Variants in PDIA6 observed in about 807,000 individuals in gnomAD.
PDIA6 encodes the protein protein disulfide isomerase family A member 6.
PDIA6 carries 29 observed loss-of-function variants against 58.4 expected under a neutral mutation model. That is an observed-to-expected ratio of 0.50 (90% confidence interval 0.37 to 0.68). The LOEUF is 0.68. PDIA6 is among the 30% of genes least tolerant of loss of function. The pLI is 0.00. For synonymous variants in PDIA6, 192 were observed against 202.6 expected, an observed-to-expected ratio of 0.95 and a Z score of 0.44; for missense variants, 480 against 551.0, an observed-to-expected ratio of 0.87 and a Z score of 1.29.
At chr2:10,796,147 G>A (rs1234804752) in intron 4 of PDIA6, among the ~76,000 whole-genome samples, 57 of 149,470 alleles carry the variant, frequency 3.8e-4, no homozygotes, top group Admixed American at 2.7e-4. Flanking sequence ...TCCGCCTTCC[G>A]GGTTCACGCC....
upstream of PDIA6, among the ~76,000 whole-genome samples, chr2:10,834,962 T>C (rs1278345898): frequency 6.6e-6 from 1 of 151,970 alleles, no homozygotes; most frequent in African/African-American, 2.4e-5. Context: ...GAGACAGGGT[T>C]TCACCATGTT....
At chr2:10,787,244 C>T (rs1457773957) in intron 11 of PDIA6, 37 bp downstream of exon 11, 6 of 1,587,138 alleles carry the variant, frequency 3.8e-6, no homozygotes, top group Non-Finnish European at 5.2e-6. Flanking sequence ...ACCAAACAAA[C>T]AGACAAAACA....
upstream of PDIA6, among the ~76,000 whole-genome samples, chr2:10,817,092 G>A (rs1478571157): frequency 6.6e-6 from 1 of 152,064 alleles, no homozygotes; most frequent in Admixed American, 6.6e-5. Context: ...ACACACACCC[G>A]TGGCTGCTCC....
At chr2:10,811,888 C>T (rs1041713771) in intron 1 of PDIA6, among the ~76,000 whole-genome samples, 4 of 152,154 alleles carry the variant, frequency 2.6e-5, no homozygotes, top group African/African-American at 9.7e-5. Flanking sequence ...ACTATGGGTC[C>T]TTATTTCAGG....
At chr2:10,830,412 C>G (rs1227590042) in intron 1 of PDIA6, among the ~76,000 whole-genome samples, 1 of 152,230 alleles carries the variant, frequency 6.6e-6, no homozygotes, top group Admixed American at 6.5e-5. Context: ...GCCAGAGGGT[C>G]AAGGTTCTCT....
intron 1 of PDIA6, among the ~76,000 whole-genome samples, chr2:10,821,988 G>A (rs1176019933): frequency 2.0e-5 from 3 of 151,932 alleles, no homozygotes; most frequent in East Asian, 3.9e-4. Flanking sequence ...TGCCCAGGCT[G>A]GAGTGCAGTG....
In PDIA6 at chr2:10,789,905, C is replaced by A; in HGVS notation, c.700-16G>T. 1 of 1,606,092 alleles carries A rather than the reference C, an allele frequency of 6.2e-7. No homozygotes were observed. The highest frequency in any genetic ancestry group is 1.1e-5 in the South Asian group (1 of 90,426). ...ATCCTCTAATCTATTAAAAAAAGGT[C>A]AGAGGATAAAATCCAATTAACACTT... is the stretch of plus-strand genomic sequence containing the variant. On this transcript the variant is annotated splice_polypyrimidine_tract_variant and intron_variant, in intron 7 of 12. Transcript: ENST00000272227.
upstream of PDIA6, chr2:10,832,525 C>A: frequency 1.4e-6 from 1 of 738,476 alleles, no homozygotes; most frequent in Non-Finnish European, 1.7e-6. Flanking sequence ...GCGCTCTGCC[C>A]TTGCTCTGCG....
intron 3 of PDIA6, 97 bp from the exon 4 acceptor site, chr2:10,797,304 T>TA (rs1211224115): frequency 1.6e-6 from 2 of 1,266,542 alleles, no homozygotes; most frequent in East Asian, 4.8e-5. Context: ...AAAAAGGTAA[T>TA]AAAGCACAGG....
intron 1 of PDIA6, among the ~76,000 whole-genome samples, chr2:10,825,168 G>A (rs1211309930): frequency 6.6e-6 from 1 of 152,052 alleles, no homozygotes; most frequent in Non-Finnish European, 1.5e-5. Flanking sequence ...ACTTGGACTG[G>A]CTCTCCTTAC....
rs779945564 is a variant in PDIA6, at chr2:10,790,782, T to C, written c.636A>G (p.Lys212=). The stretch of plus-strand genomic sequence containing the variant: ...CCACAGCTGCCAGTTTCACTTTTCC[T>C]TTCGTCTGCTCTTTTACTTCTGAAG... ...AAASEVKEQT[K]GKVKLAAVDA... Residue 212 remains lysine, a synonymous_variant, in exon 7 of 13, where the codon AAA becomes AAG. Transcript: ENST00000272227. 13 of 1,614,220 alleles carry C rather than the reference T, an allele frequency of 8.1e-6. No individual in the cohort carries two copies. The South Asian group carries it at 1.4e-4, about 18-fold the overall frequency.
chr2:10,811,935 CAG>C (rs894526961), intron 1 of PDIA6, among the ~76,000 whole-genome samples: 5 of 152,194 alleles, frequency 3.3e-5, no homozygotes, highest in African/African-American at 9.7e-5. Context: ...GTTTCTGAGA[CAG>C]AGTTTCACTC....
intron 1 of PDIA6, among the ~76,000 whole-genome samples, chr2:10,808,453 G>A (rs951677535): frequency 2.0e-5 from 3 of 152,118 alleles, no homozygotes; most frequent in Non-Finnish European, 4.4e-5. Context: ...GAGACCAGAG[G>A]CAGGCAAATG....
chr2:10,828,124 C>T (rs1271868658), intron 1 of PDIA6, among the ~76,000 whole-genome samples: 3 of 152,012 alleles, frequency 2.0e-5, no homozygotes, highest in Non-Finnish European at 4.4e-5. Flanking sequence ...CCCCCAGAGC[C>T]CACAGTTTAC....
intron 10 of PDIA6, among the ~76,000 whole-genome samples, chr2:10,787,648 T>C (rs931001375): frequency 2.0e-5 from 3 of 152,190 alleles, no homozygotes; most frequent in Non-Finnish European, 4.4e-5. Flanking sequence ...TCGCGTTCTG[T>C]AGGCATCTAA....
chr2:10,792,988 G>GA, intron 5 of PDIA6, 108 bp downstream of exon 5: 1 of 737,616 alleles, frequency 1.4e-6, no homozygotes, highest in Non-Finnish European at 2.4e-6. Flanking sequence ...TTCTTTAATT[G>GA]AGAGTTCACC....
chr2:10,819,127 C>T, intron 2 of PDIA6: 1 of 591,340 alleles, frequency 1.7e-6, no homozygotes, highest in East Asian at 2.9e-5. Flanking sequence ...CAATTTCCTT[C>T]CTTCTTAAAG....
rs1452099053 is a variant in PDIA6, at chr2:10,788,788, G to C, written c.926-19C>G. On this transcript the variant is annotated intron_variant, in intron 9 of 12. Transcript: ENST00000272227. ...GCAGCTCCTGATTTAAATAGACAAAGTTTTTTAAAGGTAAAGATAAAGGAG... is the reference window on the plus strand; with the variant it reads ...GCAGCTCCTGATTTAAATAGACAAACTTTTTTAAAGGTAAAGATAAAGGAG... The C allele has an allele frequency of 1.9e-6, 3 of 1,597,580 alleles. No individual in the cohort carries two copies. The highest frequency in any genetic ancestry group is 2.6e-6 in the Non-Finnish European group (3 of 1,165,062).
intron 1 of PDIA6, chr2:10,821,206 C>T (rs1667381011): frequency 4.5e-6 from 1 of 224,320 alleles, no homozygotes; most frequent in Non-Finnish European, 9.0e-6. Context: ...TAATCATGGC[C>T]TCATCAGCTC....
Sources: allele counts gnomAD v4.1 joint callset (sites outside exome capture counted in the v4.1 genomes callset), GRCh38; gene constraint gnomAD v4.1.1; transcripts MANE v1.5; gene names NCBI Gene and HGNC (gene_info 2026-07-23, HGNC 2026-07-21).